Variants in ANKRD30BL observed in about 807,000 individuals in gnomAD.
ANKRD30BL encodes ankyrin repeat domain 30B like.
In ANKRD30BL, 20 loss-of-function variants were observed where a neutral mutation model predicts 18.4. The ratio of observed to expected loss-of-function variants is 1.09; its 90% CI spans 0.77 to 1.58. ANKRD30BL has a LOEUF of 1.58. Ranked by LOEUF, ANKRD30BL falls within the 40% of genes most tolerant of loss-of-function variation. The probability of loss-of-function intolerance (pLI) is 0.00; values close to 1 mark genes in which losing one functional copy is unlikely to be tolerated. For missense variants in ANKRD30BL, 224 were observed against 268.6 expected (o/e 0.83, Z 1.16); for synonymous variants, 72 against 100.9 (o/e 0.71, Z 1.72).
intron 1 of ANKRD30BL, among the ~76,000 whole-genome samples, chr2:132,182,113 C>CA (rs377649666): frequency 1.1e-4 from 16 of 149,418 alleles, no homozygotes; most frequent in Non-Finnish European, 1.6e-4. Context: ...GACTCCATCT[C>CA]AAAAAAAATA....
At chr2:132,159,669 T>A (rs1688004650) in intron 1 of ANKRD30BL, among the ~76,000 whole-genome samples, 1 of 152,220 alleles carries the variant, frequency 6.6e-6, no homozygotes, top group Non-Finnish European at 1.5e-5. Flanking sequence ...ATCTAATATG[T>A]ATACACACAC....
intron 1 of ANKRD30BL, among the ~76,000 whole-genome samples, chr2:132,182,624 A>C (rs1688489397): frequency 6.6e-6 from 1 of 152,222 alleles, no homozygotes; most frequent in African/African-American, 2.4e-5. Flanking sequence ...GATGGATACA[A>C]ATTGAAAGAA....
At chr2:132,235,292 C>T (rs1680124245) in intron 1 of ANKRD30BL, among the ~76,000 whole-genome samples, 2 of 152,068 alleles carry the variant, frequency 1.3e-5, no homozygotes, top group Admixed American at 6.6e-5. Context: ...CAGGGATGCC[C>T]TCTCTCACCA....
chr2:132,253,745 A>AG (rs35374540), intron 1 of ANKRD30BL, among the ~76,000 whole-genome samples: 1 of 151,196 alleles, frequency 6.6e-6, no homozygotes, highest in Non-Finnish European at 1.5e-5. Context: ...CGACCCCTCA[A>AG]GGGGTCCTTA....
intron 1 of ANKRD30BL, among the ~76,000 whole-genome samples, chr2:132,206,650 C>G (rs1376720236): frequency 2.0e-5 from 3 of 152,204 alleles, no homozygotes; most frequent in African/African-American, 7.2e-5. Context: ...CTTAGATTCT[C>G]ATTCAATAGG....
rs1447160716 is a variant in ANKRD30BL, at chr2:132,187,194, T to G, written n.442-30048A>C. 8.3e-3 allele frequency among the ~76,000 whole-genome samples: 1,167 copies of G among 141,028 alleles called. 12 individuals carry two copies. Among genetic ancestry groups the G allele is most frequent in the African/African-American group, 0.023 (854 of 36,368 alleles). The allele number at this position is 141,028 out of a possible 152,430, so 92.5% of individuals were successfully genotyped here. A position where few individuals can be genotyped will look rare whatever the true frequency, so the allele number is the denominator to read the frequency against. ...TTTGTTTTTTTTTTTGTTTGTTTTT[T>G]TTTTTTTTTTTTTTTGAGAGACAGA... On this transcript the variant is annotated intron_variant and non_coding_transcript_variant, in intron 1 of 4. Coordinates refer to the ANKRD30BL transcript ENST00000470729.
chr2:132,163,478 A>G (rs1208522506), upstream of ANKRD30BL, among the ~76,000 whole-genome samples: 1 of 151,894 alleles, frequency 6.6e-6, no homozygotes, highest in Admixed American at 6.6e-5. Context: ...AGTCTTCTGG[A>G]TTTTGGTTAT....
At chr2:132,178,383 T>C (rs1688400177) in intron 1 of ANKRD30BL, among the ~76,000 whole-genome samples, 1 of 152,226 alleles carries the variant, frequency 6.6e-6, no homozygotes, top group Admixed American at 6.5e-5. Context: ...AATTTTTTAA[T>C]TTAAATGTTA....
At chr2:132,190,616 A>G (rs1678826516) in intron 1 of ANKRD30BL, among the ~76,000 whole-genome samples, 1 of 152,132 alleles carries the variant, frequency 6.6e-6, no homozygotes, top group Non-Finnish European at 1.5e-5. Flanking sequence ...ATTATAGACT[A>G]TACATGACTG....
intron 1 of ANKRD30BL, among the ~76,000 whole-genome samples, chr2:132,189,768 A>G (rs1415085931): frequency 6.6e-6 from 1 of 152,204 alleles, no homozygotes; most frequent in East Asian, 1.9e-4. Context: ...GAATTTTGGC[A>G]AAGTAACTGA....
chr2:132,229,931 G>A (rs550342447), intron 1 of ANKRD30BL, among the ~76,000 whole-genome samples: 1 of 151,878 alleles, frequency 6.6e-6, no homozygotes, highest in East Asian at 1.9e-4. Context: ...TATTTGGAAC[G>A]CTTGGAGGCC....
At chr2:132,238,486 T>C (rs75999447) in intron 1 of ANKRD30BL, among the ~76,000 whole-genome samples, 1 of 152,044 alleles carries the variant, frequency 6.6e-6, no homozygotes, top group Non-Finnish European at 1.5e-5. Flanking sequence ...AGAAACTTCT[T>C]TGTGATGCTT....
chr2:132,171,753 A>G (rs539214128), intron 1 of ANKRD30BL, among the ~76,000 whole-genome samples: 2 of 152,180 alleles, frequency 1.3e-5, no homozygotes, highest in African/African-American at 2.4e-5. Flanking sequence ...TTATCACTTT[A>G]ATGAATTTTA....
intron 1 of ANKRD30BL, among the ~76,000 whole-genome samples, chr2:132,235,778 G>C (rs1680136367): frequency 2.0e-5 from 3 of 152,194 alleles, no homozygotes; most frequent in South Asian, 4.1e-4. Flanking sequence ...GTAATTTACA[G>C]ATTCAATGCC....
At chr2:132,231,283 T>C (rs530109952) in intron 1 of ANKRD30BL, among the ~76,000 whole-genome samples, 1 of 152,264 alleles carries the variant, frequency 6.6e-6, no homozygotes, top group South Asian at 2.1e-4. Flanking sequence ...CAAATGGATA[T>C]TTGGACCGCT....
intron 1 of ANKRD30BL, among the ~76,000 whole-genome samples, chr2:132,177,603 C>A (rs781220628): frequency 7.9e-5 from 12 of 152,204 alleles, no homozygotes; most frequent in Non-Finnish European, 1.5e-4. Flanking sequence ...GAAACACTCG[C>A]ACACTCAGAG....
rs1393149585 is a variant in ANKRD30BL, at chr2:132,193,039, C to T, written n.442-35893G>A. On this transcript the variant is annotated intron_variant and non_coding_transcript_variant, in intron 1 of 4. Transcript: ENST00000470729. ...ATGAGTGGACATGCAGGAGCAGGCACGGAGTGTAAAGAATCTTGTATTGCA... is the reference window on the plus strand; with the variant it reads ...ATGAGTGGACATGCAGGAGCAGGCATGGAGTGTAAAGAATCTTGTATTGCA... Among the ~76,000 whole-genome samples the T allele has an allele frequency of 5.3e-5, 8 of 152,150 alleles. No homozygotes were observed. The East Asian group carries it at 5.8e-4, about 11-fold the overall frequency.
At chr2:132,234,372 C>G (rs1489429045) in intron 1 of ANKRD30BL, among the ~76,000 whole-genome samples, 1 of 151,780 alleles carries the variant, frequency 6.6e-6, no homozygotes, top group Non-Finnish European at 1.5e-5. Context: ...CACAAAAAAC[C>G]CTTCAAAAAA....
chr2:132,152,965 T>C (rs1687798436), intron 4 of ANKRD30BL, among the ~76,000 whole-genome samples: 1 of 152,132 alleles, frequency 6.6e-6, no homozygotes. Flanking sequence ...GCTGAGAATA[T>C]GTACGTGAAC....
Sources: allele counts gnomAD v4.1 joint callset (sites outside exome capture counted in the v4.1 genomes callset), GRCh38; gene constraint gnomAD v4.1.1; transcripts MANE v1.5; gene names NCBI Gene and HGNC (gene_info 2026-07-23, HGNC 2026-07-21).